CDH4: variants seen among roughly 807,000 people sequenced by gnomAD.
The protein encoded by CDH4 is cadherin-4.
CDH4 carries 33 observed loss-of-function variants against 86.0 expected under a neutral mutation model. The observed-to-expected ratio is 0.38, with a 90% confidence interval of 0.29 to 0.51. The LOEUF is 0.51. Ranked by LOEUF, CDH4 falls within the 20% of genes least tolerant of loss-of-function variation. The probability of loss-of-function intolerance (pLI) is 0.86; values close to 1 mark genes in which losing one functional copy is unlikely to be tolerated. For missense variants in CDH4, 1,114 were observed against 1,307.4 expected, an observed-to-expected ratio of 0.85 and a Z score of 2.28; for synonymous variants, 555 against 549.4, an observed-to-expected ratio of 1.01 and a Z score of -0.14.
At chr20:61,659,428 C>T (rs573359939) in intron 2 of CDH4, among the ~76,000 whole-genome samples, 3 of 152,230 alleles carry the variant, frequency 2.0e-5, no homozygotes, top group Admixed American at 1.3e-4. Context: ...CGCTGCCCCC[C>T]ACCTGGGGAG....
intron 2 of CDH4, among the ~76,000 whole-genome samples, chr20:61,646,197 G>A (rs906243885): frequency 2.0e-5 from 3 of 151,958 alleles, no homozygotes; most frequent in East Asian, 1.9e-4. Context: ...TAAAGAACCC[G>A]GCACCTAGAT....
intron 2 of CDH4, among the ~76,000 whole-genome samples, chr20:61,691,427 GC>G (rs1331115866): frequency 6.6e-6 from 1 of 151,480 alleles, no homozygotes. Context: ...ATGTGTGTGT[GC>G]GTGTGCATGT....
intron 4 of CDH4, among the ~76,000 whole-genome samples, chr20:61,782,463 A>T (rs938769895): frequency 5.3e-5 from 8 of 152,236 alleles, no homozygotes; most frequent in African/African-American, 1.7e-4. Flanking sequence ...CCAGGAAGGG[A>T]TGGAGAGCTC....
At chr20:61,495,627 G>C (rs1270679197) in intron 2 of CDH4, among the ~76,000 whole-genome samples, 2 of 152,190 alleles carry the variant, frequency 1.3e-5, no homozygotes, top group Non-Finnish European at 2.9e-5. Context: ...GGCAGGCCGG[G>C]CACTGTGGCT....
intron 2 of CDH4, among the ~76,000 whole-genome samples, chr20:61,629,872 G>C (rs189792659): frequency 6.6e-6 from 1 of 152,346 alleles, no homozygotes; most frequent in East Asian, 1.9e-4. Flanking sequence ...TCTGCAAATG[G>C]AACCAGCTGA....
chr20:61,759,426 G>C (rs767661833), intron 3 of CDH4, among the ~76,000 whole-genome samples: 2 of 152,150 alleles, frequency 1.3e-5, no homozygotes, highest in Non-Finnish European at 2.9e-5. Flanking sequence ...CCATGAAGCC[G>C]GAGGTCCCCA....
chr20:61,711,119 G>C (rs13433156), intron 2 of CDH4, among the ~76,000 whole-genome samples: 2,155 of 152,294 alleles, frequency 0.014, 39 homozygotes, highest in African/African-American at 0.048. Context: ...CTATTCCAGC[G>C]ATAGTGAATG....
chr20:61,907,402 C>T (rs535847570), intron 8 of CDH4, among the ~76,000 whole-genome samples: 1 of 152,312 alleles, frequency 6.6e-6, no homozygotes, highest in South Asian at 2.1e-4. Context: ...TGTCCTCTCA[C>T]ACCCAAGGAC....
At chr20:61,673,519 A>G (rs552459571) in intron 2 of CDH4, among the ~76,000 whole-genome samples, 1 of 152,324 alleles carries the variant, frequency 6.6e-6, no homozygotes, top group Admixed American at 6.5e-5. Flanking sequence ...ACCTTAGATG[A>G]AATGTCAGGT....
chr20:61,620,206 A>ATG (rs1568716834), intron 2 of CDH4, among the ~76,000 whole-genome samples: 3 of 129,722 alleles, frequency 2.3e-5, no homozygotes, highest in Admixed American at 1.5e-4. Context: ...GGATGGATGG[A>ATG]CAGACAGGCA....
chr20:61,763,861 CTT>C (rs2088667891), intron 3 of CDH4, among the ~76,000 whole-genome samples: 2 of 152,184 alleles, frequency 1.3e-5, no homozygotes, highest in South Asian at 2.1e-4. Context: ...CAAATGATAA[CTT>C]TTCGCATGTA....
At chr20:61,483,410 CT>C (rs1401322376) in intron 2 of CDH4, among the ~76,000 whole-genome samples, 1 of 152,148 alleles carries the variant, frequency 6.6e-6, no homozygotes, top group African/African-American at 2.4e-5. Flanking sequence ...GAGTTCAGTC[CT>C]CATGTCGATT....
At chr20:61,493,292 C>T (rs1488905984) in intron 2 of CDH4, among the ~76,000 whole-genome samples, 2 of 152,058 alleles carry the variant, frequency 1.3e-5, no homozygotes, top group Non-Finnish European at 2.9e-5. Flanking sequence ...TTGTTTCCAT[C>T]ATATGTGAAG....
chr20:61,370,220 A>T (rs553397493), intron 2 of CDH4: 2 of 152,678 alleles, frequency 1.3e-5, no homozygotes, highest in African/African-American at 4.8e-5. Context: ...AGCCAGGTCA[A>T]GGAGGGCCCT....
intron 2 of CDH4, among the ~76,000 whole-genome samples, chr20:61,611,336 A>C (rs1430772285): frequency 1.3e-5 from 2 of 152,060 alleles, no homozygotes; most frequent in Admixed American, 6.5e-5. Context: ...GCATAAACTC[A>C]TAAGCATAGA....
chr20:61,579,255 G>A (rs1022369640), intron 2 of CDH4, among the ~76,000 whole-genome samples: 5 of 151,814 alleles, frequency 3.3e-5, no homozygotes, highest in African/African-American at 7.3e-5. Flanking sequence ...AGGCAGTCGG[G>A]GAGTTGCCTC....
intron 6 of CDH4, among the ~76,000 whole-genome samples, chr20:61,862,395 C>T (rs1472091029): frequency 2.0e-5 from 3 of 152,240 alleles, no homozygotes; most frequent in Non-Finnish European, 2.9e-5. Context: ...AAGGTGGACT[C>T]ATTCTGCAAG....
chr20:61,627,982 T>C (rs1002759), intron 2 of CDH4, among the ~76,000 whole-genome samples: 93,139 of 151,854 alleles, frequency 0.61, 28,757 homozygotes, highest in East Asian at 0.72. Flanking sequence ...GTCTGCGCCC[T>C]ACCTCCTCAC....
chr20:61,380,012 C>T (rs8126117), intron 2 of CDH4, among the ~76,000 whole-genome samples: 37,644 of 151,958 alleles, frequency 0.25, 5,023 homozygotes, highest in African/African-American at 0.34. Flanking sequence ...ACTAATTTGA[C>T]ATTGTCCTGG....
Sources: gnomAD v4.1 joint callset for allele counts (sites outside exome capture counted in the v4.1 genomes callset) on GRCh38, gnomAD v4.1.1 for gene constraint, MANE v1.5 for transcripts, NCBI Gene and HGNC (gene_info 2026-07-23, HGNC 2026-07-21) for gene names.